The following SSBP2 variants were observed in gnomAD, a reference collection of about 807,000 sequenced individuals.
SSBP2 encodes single stranded DNA binding protein 2.
Under a neutral mutation model 61.8 loss-of-function variants are expected in SSBP2, and 17 were observed. The ratio of observed to expected loss-of-function variants is 0.28; its 90% CI spans 0.19 to 0.41. The LOEUF (loss-of-function observed/expected upper bound fraction) is 0.41, where lower values mean the gene tolerates loss of function less well. Ranked by LOEUF, SSBP2 falls within the 10% of genes least tolerant of loss-of-function variation. The pLI, the probability that SSBP2 is intolerant of heterozygous loss-of-function variation, is 1.00. For missense variants in SSBP2, 310 were observed against 458.7 expected (o/e 0.68, Z 2.96); for synonymous variants, 139 against 141.3 (o/e 0.98, Z 0.12).
intron 1 of SSBP2, among the ~76,000 whole-genome samples, chr5:81,703,929 T>G (rs1379254158): frequency 6.6e-6 from 1 of 152,240 alleles, no homozygotes; most frequent in Non-Finnish European, 1.5e-5. Context: ...CTGAAGATAC[T>G]TGCTACCTAA....
At chr5:81,674,425 C>T (rs1412022562) in intron 1 of SSBP2, among the ~76,000 whole-genome samples, 1 of 152,060 alleles carries the variant, frequency 6.6e-6, no homozygotes, top group Non-Finnish European at 1.5e-5. Flanking sequence ...GTTTCCAAGC[C>T]AATTTATATC....
chr5:81,686,796 G>A (rs74350768), intron 1 of SSBP2, among the ~76,000 whole-genome samples: 28 of 148,868 alleles, frequency 1.9e-4, no homozygotes, highest in Admixed American at 1.3e-3. Context: ...TGAAGGTTGC[G>A]GTGAGCCAAG....
intron 4 of SSBP2, among the ~76,000 whole-genome samples, chr5:81,611,201 A>C (rs1745407470): frequency 6.6e-6 from 1 of 152,210 alleles, no homozygotes; most frequent in Non-Finnish European, 1.5e-5. Flanking sequence ...CTCAGTTGTC[A>C]ACCCCCATCA....
intron 4 of SSBP2, among the ~76,000 whole-genome samples, chr5:81,527,431 G>A (rs1770029586): frequency 6.6e-6 from 1 of 151,954 alleles, no homozygotes; most frequent in South Asian, 2.1e-4. Context: ...GATTATCATG[G>A]ATGGCTTCTG....
intron 2 of SSBP2, among the ~76,000 whole-genome samples, 178 bp downstream of exon 2, chr5:81,650,089 G>A (rs1415191205): frequency 6.6e-6 from 1 of 152,078 alleles, no homozygotes; most frequent in African/African-American, 2.4e-5. Flanking sequence ...GAGTGGCACA[G>A]AAGTGGCATG....
intron 1 of SSBP2, among the ~76,000 whole-genome samples, chr5:81,716,737 AACT>A (rs1755194823): frequency 6.6e-6 from 1 of 152,224 alleles, no homozygotes. Context: ...AGCATCCCAA[AACT>A]ACTTGCATCA....
At chr5:81,517,127 GGTTGA>G (rs1356693919) in intron 4 of SSBP2, among the ~76,000 whole-genome samples, 1 of 151,946 alleles carries the variant, frequency 6.6e-6, no homozygotes. Context: ...GACTATTTAG[GGTTGA>G]GTTTTCATTA....
At chr5:81,691,750 A>G (rs1753215615) in intron 1 of SSBP2, among the ~76,000 whole-genome samples, 1 of 152,146 alleles carries the variant, frequency 6.6e-6, no homozygotes, top group Non-Finnish European at 1.5e-5. Context: ...CCAGACAAAG[A>G]CACATCAAAA....
intron 5 of SSBP2, among the ~76,000 whole-genome samples, chr5:81,491,760 C>G (rs899710822): frequency 6.6e-6 from 1 of 152,038 alleles, no homozygotes; most frequent in Admixed American, 6.5e-5. Flanking sequence ...AATCTTCACA[C>G]AATTAAAGCA....
chr5:81,723,888 A>G lies in SSBP2; in HGVS notation c.62+27093T>C, dbSNP rs200330224. On this transcript the variant is annotated intron_variant, in intron 1 of 16. Transcript: ENST00000320672. ...CCCAGAGTTGAGGAAGGAGTTATGT[A>G]TTTATCCAACAACCTCACTTCTCTA... Among the ~76,000 whole-genome samples, 4 of 152,046 alleles carry G rather than the reference A, an allele frequency of 2.6e-5. No individual in the cohort carries two copies. In the East Asian group the frequency reaches 7.7e-4, roughly 29 times the overall value.
chr5:81,684,301 A>G (rs1038319643), intron 1 of SSBP2, among the ~76,000 whole-genome samples: 1 of 152,206 alleles, frequency 6.6e-6, no homozygotes, highest in Non-Finnish European at 1.5e-5. Context: ...AAAGACACAG[A>G]GGAAACTTAA....
chr5:81,498,605 TA>T (rs1422656552), intron 5 of SSBP2, among the ~76,000 whole-genome samples: 1 of 152,080 alleles, frequency 6.6e-6, no homozygotes, highest in African/African-American at 2.4e-5. Flanking sequence ...AAACATTCTT[TA>T]AAAAAGTAGT....
intron 4 of SSBP2, among the ~76,000 whole-genome samples, chr5:81,612,681 G>A (rs925248616): frequency 2.6e-5 from 4 of 152,018 alleles, no homozygotes; most frequent in African/African-American, 9.7e-5. Flanking sequence ...ATACATGCAA[G>A]TGAACATTTT....
At chr5:81,659,935 T>TA (rs1750544613) in intron 1 of SSBP2, among the ~76,000 whole-genome samples, 1 of 150,180 alleles carries the variant, frequency 6.7e-6, no homozygotes, top group Non-Finnish European at 1.5e-5. Flanking sequence ...TCAATGGGGA[T>TA]AAAAATGGTG....
intron 1 of SSBP2, among the ~76,000 whole-genome samples, chr5:81,672,227 G>A (rs1456631828): frequency 2.0e-5 from 3 of 151,438 alleles, no homozygotes; most frequent in Admixed American, 6.6e-5. Flanking sequence ...TCAACTTACA[G>A]TAAAATAAGC....
At chr5:81,489,352 A>G (rs770735426) in intron 5 of SSBP2, 43 bp from the exon 6 acceptor site, 18 of 1,506,286 alleles carry the variant, frequency 1.2e-5, no homozygotes, top group Non-Finnish European at 2.7e-6. Context: ...AAAAAACAGT[A>G]CAATGTAAAA....
intron 16 of SSBP2, among the ~76,000 whole-genome samples, chr5:81,427,058 A>AT (rs1432440995): frequency 6.6e-6 from 1 of 152,212 alleles, no homozygotes; most frequent in Non-Finnish European, 1.5e-5. Flanking sequence ...TGCTTTGCAT[A>AT]TAATAGGCTC....
Position 81,420,265 on chromosome 5 carries a change from C to A in SSBP2, c.*239G>T. 2 of 561,988 alleles carry A rather than the reference C, an allele frequency of 3.6e-6. No homozygotes were observed. Among genetic ancestry groups the A allele is most frequent in the South Asian group, 4.6e-5 (2 of 43,648 alleles). 34.8% of individuals were successfully genotyped at this position (561,988 alleles called of 1,614,324 possible). A position where few individuals can be genotyped will look rare whatever the true frequency, so the allele number is the denominator to read the frequency against. ...TCTTTCCCACACATATACATACACACATAATTATTTGCAGTTCAGTTTAGG... is the reference window on the plus strand; with the variant it reads ...TCTTTCCCACACATATACATACACAAATAATTATTTGCAGTTCAGTTTAGG... On this transcript the variant is annotated 3_prime_UTR_variant, in exon 17 of 17. Coordinates refer to ENST00000320672, the MANE Select transcript of SSBP2 (RefSeq NM_012446.5).
chr5:81,471,383 ATAAACATT>A (rs1180898626), intron 8 of SSBP2, among the ~76,000 whole-genome samples: 2 of 151,904 alleles, frequency 1.3e-5, no homozygotes, highest in Non-Finnish European at 2.9e-5. Context: ...AACAGAGATG[ATAAACATT>A]TAAAGAGCAG....
Sources: gnomAD v4.1 joint callset for allele counts (sites outside exome capture counted in the v4.1 genomes callset) on GRCh38, gnomAD v4.1.1 for gene constraint, MANE v1.5 for transcripts, NCBI Gene and HGNC (gene_info 2026-07-23, HGNC 2026-07-21) for gene names.